NAV1: variants seen among roughly 807,000 people sequenced by gnomAD.
The protein encoded by NAV1 is pore membrane and/or filament interacting like protein 3.
In NAV1, 18 loss-of-function variants were observed where a neutral mutation model predicts 175.2. The observed-to-expected ratio is 0.10, with a 90% confidence interval of 0.07 to 0.15. NAV1 has a LOEUF of 0.15. Among genes scored for constraint, NAV1 ranks in the 10% least tolerant of loss-of-function variants. The pLI, the probability that NAV1 is intolerant of heterozygous loss-of-function variation, is 1.00. For synonymous variants in NAV1, 897 were observed against 978.7 expected (o/e 0.92, Z 1.56); for missense variants, 1,731 against 2,436.6 (o/e 0.71, Z 6.10).
intron 2 of NAV1, 96 bp downstream of exon 6, chr1:201,713,015 C>T: frequency 1.3e-6 from 1 of 796,500 alleles, no homozygotes; most frequent in Non-Finnish European, 2.2e-6. Flanking sequence ...CACACCTCTG[C>T]CAGGTCAGCC....
intron 1 of NAV1, among the ~76,000 whole-genome samples, chr1:201,663,774 T>C (rs992510294): frequency 1.8e-4 from 28 of 151,988 alleles, no homozygotes; most frequent in African/African-American, 6.3e-4. Flanking sequence ...GTGGGGAGGG[T>C]CCCCTGTTTT....
Position 201,782,856 on chromosome 1 carries a change from C to T in NAV1, c.2344C>T (p.Pro782Ser), listed in dbSNP as rs761570399. The T allele has an allele frequency of 8.2e-6, 13 of 1,582,678 alleles. 1 individual carries two copies. The South Asian group carries it at 1.2e-4, about 14-fold the overall frequency. Residue 782 changes from proline to serine, a missense_variant, in exon 6 of 30, where the codon CCA becomes TCA. Around this residue, in one of 13 missense-constraint regions of NAV1, gnomAD observed 634 missense variants for 766.8 expected, o/e 0.83. Transcript: ENST00000367296. The surrounding 1 kb of genome is among the most constrained non-coding windows in gnomAD (Gnocchi z 5.4). ...AGCCACCAAGCTGGCAGAGCTGCCA[C>T]CAACCCCTCTCAGGTACCCAATGTG...
At chr1:201,768,677 A>G (rs1675370631) in intron 3 of NAV1, among the ~76,000 whole-genome samples, 1 of 151,824 alleles carries the variant, frequency 6.6e-6, no homozygotes, top group African/African-American at 2.4e-5. Context: ...AGAATCCACA[A>G]CCACAGTTTT....
chr1:201,767,023 T>C (rs1351184614), intron 3 of NAV1, among the ~76,000 whole-genome samples: 2 of 151,618 alleles, frequency 1.3e-5, no homozygotes, highest in African/African-American at 4.8e-5. Context: ...GGTTTCACGA[T>C]GTTGGCCAGG....
At chr1:201,719,173 CA>C (rs1672266442) in intron 3 of NAV1, among the ~76,000 whole-genome samples, 2 of 148,780 alleles carry the variant, frequency 1.3e-5, no homozygotes, top group Non-Finnish European at 3.0e-5. Flanking sequence ...AAAAAAAAAC[CA>C]AAAAGGTTAT....
chr1:201,603,376 G>A (rs954463163), intron 2 of NAV1, among the ~76,000 whole-genome samples: 1 of 152,164 alleles, frequency 6.6e-6, no homozygotes, highest in South Asian at 2.1e-4. Context: ...ACATGGAATT[G>A]CTGCATCACT....
intron 1 of NAV1, among the ~76,000 whole-genome samples, chr1:201,676,359 CTT>C (rs1317567064): frequency 6.6e-6 from 1 of 152,196 alleles, no homozygotes; most frequent in Non-Finnish European, 1.5e-5. Flanking sequence ...CTCAGGGACT[CTT>C]TCTCTCCCTT....
chr1:201,762,148 G>T (rs1356804562), intron 3 of NAV1, among the ~76,000 whole-genome samples: 2 of 152,154 alleles, frequency 1.3e-5, no homozygotes. Flanking sequence ...GACAGAGTGA[G>T]ACCCTGTCTC....
Position 201,617,206 on chromosome 1 carries a change from G to GTCTCTC in NAV1, c.-32-5617_-32-5612dup, listed in dbSNP as rs3054501. Among the ~76,000 whole-genome samples the GTCTCTC allele has an allele frequency of 7.1e-3, 977 of 138,198 alleles. 4 individuals are homozygous for GTCTCTC. The highest frequency in any genetic ancestry group is 0.023 in the South Asian group (100 of 4,290). The allele number at this position is 138,198 out of a possible 152,430, so 90.7% of individuals were successfully genotyped here. ...TCTGATAAGATTCCCCAATCTCTCTGTCTCTCTCTCTCTCTCTCTCTCTCT... is the reference window on the plus strand; with the variant it reads ...TCTGATAAGATTCCCCAATCTCTCTGTCTCTCTCTCTCTCTCTCTCTCTCTCTCTCT... On this transcript the variant is annotated intron_variant, in intron 2 of 33. Transcript: ENST00000685211.
At chr1:201,811,458 TG>T in intron 24 of NAV1, 144 bp from the exon 29 acceptor site, 1 of 949,404 alleles carries the variant, frequency 1.1e-6, no homozygotes, top group Non-Finnish European at 1.6e-6. Context: ...TATCACTCTG[TG>T]GTAATCTGCT....
chr1:201,540,515 C>G (rs569060053), intron 1 of NAV1, among the ~76,000 whole-genome samples: 1 of 152,320 alleles, frequency 6.6e-6, no homozygotes, highest in South Asian at 2.1e-4. Flanking sequence ...GGACTGGAGA[C>G]TTCGCAAAAA....
chr1:201,655,083 CT>C (rs1185634332), intron 1 of NAV1, among the ~76,000 whole-genome samples: 2 of 152,136 alleles, frequency 1.3e-5, no homozygotes, highest in Non-Finnish European at 2.9e-5. Context: ...CATTTCTCTT[CT>C]TTTGGAACAA....
intron 1 of NAV1, among the ~76,000 whole-genome samples, chr1:201,550,566 A>G (rs561973742): frequency 1.3e-5 from 2 of 152,340 alleles, no homozygotes; most frequent in South Asian, 4.1e-4. Context: ...CATATGCAGA[A>G]ATTACTGGAT....
intron 1 of NAV1, among the ~76,000 whole-genome samples, chr1:201,681,560 T>G (rs1439605725): frequency 6.6e-6 from 1 of 152,240 alleles, no homozygotes; most frequent in Non-Finnish European, 1.5e-5. Flanking sequence ...GCTGGACTCC[T>G]TGCTCTCCCC....
chr1:201,607,538 CT>C (rs2102245248), intron 2 of NAV1, among the ~76,000 whole-genome samples: 1 of 152,268 alleles, frequency 6.6e-6, no homozygotes, highest in Non-Finnish European at 1.5e-5. Context: ...GTCTCCAAGG[CT>C]GGAGTTCAGT....
chr1:201,763,482 T>C (rs574671115), intron 3 of NAV1, among the ~76,000 whole-genome samples: 33 of 152,344 alleles, frequency 2.2e-4, no homozygotes, highest in Non-Finnish European at 2.9e-5. Flanking sequence ...GCCTTGTTTT[T>C]TCATTCCCAC....
At chr1:201,665,250 G>A (rs1452184025) in intron 1 of NAV1, among the ~76,000 whole-genome samples, 1 of 150,212 alleles carries the variant, frequency 6.7e-6, no homozygotes, top group African/African-American at 2.5e-5. Context: ...CCGTTGCCTC[G>A]GCCACTCCCG....
intron 2 of NAV1, among the ~76,000 whole-genome samples, chr1:201,634,040 C>T (rs925365465): frequency 6.6e-6 from 1 of 152,202 alleles, no homozygotes; most frequent in Admixed American, 6.5e-5. Flanking sequence ...TTTAATCCTT[C>T]TAACAACTGC....
At chr1:201,561,488 C>T (rs73082544) in intron 1 of NAV1, among the ~76,000 whole-genome samples, 4,372 of 152,266 alleles carry the variant, frequency 0.029, 211 homozygotes, top group African/African-American at 0.099. Flanking sequence ...GTTTCCTTGA[C>T]TGTAAATGAG....
Sources: allele counts gnomAD v4.1 joint callset (sites outside exome capture counted in the v4.1 genomes callset), GRCh38; gene constraint gnomAD v4.1.1; regional missense constraint gnomAD v4.1.1; non-coding constraint Gnocchi (gnomAD v3.1); transcripts MANE v1.5; gene names NCBI Gene and HGNC (gene_info 2026-07-23, HGNC 2026-07-21).